LYPD6: variants seen among roughly 807,000 people sequenced by gnomAD.
LYPD6 encodes the protein LY6/PLAUR domain containing 6.
Under a neutral mutation model 22.7 loss-of-function variants are expected in LYPD6, and 15 were observed. The ratio of observed to expected loss-of-function variants is 0.66; its 90% CI spans 0.44 to 1.02. LYPD6 has a LOEUF of 1.02. LYPD6 is among the 50% of genes least tolerant of loss of function. The pLI is 0.00. For synonymous variants in LYPD6, 72 were observed against 77.5 expected, an observed-to-expected ratio of 0.93 and a Z score of 0.37; for missense variants, 189 against 208.4, an observed-to-expected ratio of 0.91 and a Z score of 0.57.
chr2:149,397,766 G>C (rs1323742302), intron 1 of LYPD6, among the ~76,000 whole-genome samples: 1 of 152,216 alleles, frequency 6.6e-6, no homozygotes, highest in South Asian at 2.1e-4. Flanking sequence ...TGCAGATGAA[G>C]TGTGATGCCA....
intron 1 of LYPD6, among the ~76,000 whole-genome samples, chr2:149,385,666 A>G (rs1451727042): frequency 6.6e-6 from 1 of 152,244 alleles, no homozygotes; most frequent in East Asian, 1.9e-4. Context: ...AAACAGAGTA[A>G]TTAAGCCTCG....
chr2:149,413,468 C>T (rs1401991423), intron 1 of LYPD6, among the ~76,000 whole-genome samples: 2 of 152,174 alleles, frequency 1.3e-5, no homozygotes, highest in Non-Finnish European at 1.5e-5. Context: ...TACAGACTTA[C>T]CACACTACAG....
chr2:149,483,287 T>C, the LYPD6 span, among the ~76,000 whole-genome samples: 1 of 152,270 alleles, frequency 6.6e-6, no homozygotes, highest in East Asian at 1.9e-4. Flanking sequence ...ACTCCAGGAG[T>C]TGTGGGCTGC....
chr2:149,381,929 G>A (rs529637054), intron 1 of LYPD6, among the ~76,000 whole-genome samples: 43 of 152,166 alleles, frequency 2.8e-4, no homozygotes, highest in Non-Finnish European at 6.0e-4. Context: ...TTCCAGGTCT[G>A]AATGTACTCA....
chr2:149,458,488 T>A (rs1681016935), intron 3 of LYPD6, among the ~76,000 whole-genome samples: 1 of 151,844 alleles, frequency 6.6e-6, no homozygotes, highest in Non-Finnish European at 1.5e-5. Context: ...AAACAGGGAG[T>A]ATAAGATCAA....
chr2:149,417,617 T>C (rs1260104527), intron 1 of LYPD6, among the ~76,000 whole-genome samples: 1 of 152,088 alleles, frequency 6.6e-6, no homozygotes, highest in Non-Finnish European at 1.5e-5. Context: ...CCAGAAAGGA[T>C]TTCATGTGTT....
At chr2:149,404,600 C>T (rs1047721669) in intron 1 of LYPD6, among the ~76,000 whole-genome samples, 3 of 152,156 alleles carry the variant, frequency 2.0e-5, no homozygotes, top group Non-Finnish European at 2.9e-5. Context: ...TGAGACTTTG[C>T]TGAAGTTGCT....
In LYPD6 at chr2:149,407,651, T is replaced by G. The variant is rs530141790; in HGVS notation, c.-71-29987T>G. ...ACATTCGTCTAAATTTTTTTCAAAC[T>G]TTTCAACTTCTTTGCCTTTGGTTTG... On this transcript the variant is annotated intron_variant, in intron 1 of 4. Transcript: ENST00000334166. Among the ~76,000 whole-genome samples the G allele has an allele frequency of 3.2e-3, 492 of 152,310 alleles. 4 individuals are homozygous for G. The highest frequency in any genetic ancestry group is 0.011 in the African/African-American group (468 of 41,576).
In LYPD6 at chr2:149,470,959, C is replaced by A; in HGVS notation, c.*109C>A. The A allele has an allele frequency of 9.9e-7, 1 of 1,013,078 alleles. No individual in the cohort carries two copies. The highest frequency in any genetic ancestry group is 1.5e-6 in the Non-Finnish European group (1 of 685,218). 62.8% of individuals were successfully genotyped at this position (1,013,078 alleles called of 1,614,324 possible). ...AATTACACATGTGAGACACAACACT[C>A]TTGGAGGTCATCACAGCCAAGCATT... On this transcript the variant is annotated 3_prime_UTR_variant, in exon 5 of 5. Transcript: ENST00000334166.
rs562225144 is a variant in LYPD6 at position 149,354,312 on chromosome 2, A to G, written c.-72+23590A>G. On this transcript the variant is annotated intron_variant, in intron 1 of 4. Transcript: ENST00000334166. ...AACTTCTGTCTCCTGAGTTGAAGCA[A>G]TTCTCCTGCCTCAGCCTCCTGAGTA... Among the ~76,000 whole-genome samples, 14 of 152,192 alleles carry G rather than the reference A, an allele frequency of 9.2e-5. No homozygotes were observed. The East Asian group carries it at 2.1e-3, about 23-fold the overall frequency.
At position 149,343,798 on chromosome 2, in the gene LYPD6, T is replaced by C. The variant is rs149569016; in HGVS notation, c.-72+13076T>C. On this transcript the variant is annotated intron_variant, in intron 1 of 4. Transcript: ENST00000334166. Reference sequence around the variant, plus strand: ...GTTTTAGGCCAAGCCAGGTAACTTCTTTGAACTTCAGTTTCCTCAAAATGA... The same window carrying C: ...GTTTTAGGCCAAGCCAGGTAACTTCCTTGAACTTCAGTTTCCTCAAAATGA... 6.5e-3 allele frequency among the ~76,000 whole-genome samples: 993 copies of C among 152,286 alleles called. 9 individuals are homozygous for C. The highest frequency in any genetic ancestry group is 0.023 in the African/African-American group (955 of 41,556).
chr2:149,335,236 G>C (rs566161418), intron 1 of LYPD6, among the ~76,000 whole-genome samples: 1 of 152,114 alleles, frequency 6.6e-6, no homozygotes, highest in South Asian at 2.1e-4. Context: ...AGCTCCATGC[G>C]TGTTATTGCC....
intron 1 of LYPD6, 61 bp downstream of exon 1, chr2:149,330,783 C>G (rs2105038545): frequency 6.6e-6 from 1 of 152,332 alleles, no homozygotes; most frequent in Non-Finnish European, 1.5e-5. Context: ...GCCAGCGGCC[C>G]CGGCTTAGGC....
At chr2:149,374,935 AC>A (rs1213554606) in intron 1 of LYPD6, among the ~76,000 whole-genome samples, 1 of 152,056 alleles carries the variant, frequency 6.6e-6, no homozygotes, top group Non-Finnish European at 1.5e-5. Context: ...AAACAACTTC[AC>A]TCCCACTATT....
chr2:149,482,364 A>C, the LYPD6 span, among the ~76,000 whole-genome samples: 1 of 152,344 alleles, frequency 6.6e-6, no homozygotes, highest in African/African-American at 2.4e-5. Context: ...TACAAAAATC[A>C]AGAAATTTAA....
At position 149,379,466 on chromosome 2, in the gene LYPD6, A is replaced by G. The variant is rs527489243; in HGVS notation, c.-72+48744A>G. ...AAGGATGCTCAATTCCTGGAATAGA[A>G]TAGACCTTCATTTTACAATTGATAT... On this transcript the variant is annotated intron_variant, in intron 1 of 4. Transcript: ENST00000334166. 2.6e-5 allele frequency among the ~76,000 whole-genome samples: 4 copies of G among 152,358 alleles called. No individual in the cohort carries two copies. In the South Asian group the frequency reaches 8.3e-4, roughly 32 times the overall value.
the LYPD6 span, among the ~76,000 whole-genome samples, chr2:149,480,548 T>C: frequency 6.6e-6 from 1 of 152,116 alleles, no homozygotes; most frequent in African/African-American, 2.4e-5. Context: ...TTCACAGTGC[T>C]TTTCAGTTTG....
rs1467235830 is a variant in LYPD6, at chr2:149,351,583, A to C, written c.-72+20861A>C. Among the ~76,000 whole-genome samples the C allele has an allele frequency of 3.9e-5, 6 of 152,098 alleles. No individual in the cohort carries two copies. In the South Asian group the frequency reaches 1.2e-3, roughly 32 times the overall value. On this transcript the variant is annotated intron_variant, in intron 1 of 4. Transcript: ENST00000334166. ...GGAGGAAGATTGCGTGTTCATAAGGAATATTCTCTAGATTATTATTTTAAA... is the reference window on the plus strand; with the variant it reads ...GGAGGAAGATTGCGTGTTCATAAGGCATATTCTCTAGATTATTATTTTAAA...
At chr2:149,470,659 T>A in intron 4 of LYPD6, 24 bp from the exon 5 acceptor site, 1 of 1,602,060 alleles carries the variant, frequency 6.2e-7, no homozygotes, top group South Asian at 1.1e-5. Context: ...CTTCTCATTA[T>A]CTTTTTTTCT....
Sources: allele counts gnomAD v4.1 joint callset (sites outside exome capture counted in the v4.1 genomes callset), GRCh38; gene constraint gnomAD v4.1.1; transcripts MANE v1.5; gene names NCBI Gene and HGNC (gene_info 2026-07-23, HGNC 2026-07-21).